ANO3: variants seen among roughly 807,000 people sequenced by gnomAD.
ANO3 encodes the protein anoctamin-3.
Under a neutral mutation model 144.8 loss-of-function variants are expected in ANO3, and 99 were observed. That is an observed-to-expected ratio of 0.68 (90% CI 0.58 to 0.81). The LOEUF is 0.81. ANO3 is among the 30% of genes least tolerant of loss of function. The probability of loss-of-function intolerance (pLI) is 0.00; values close to 1 mark genes in which losing one functional copy is unlikely to be tolerated. For synonymous variants in ANO3, 414 were observed against 392.6 expected (o/e 1.05, Z -0.64); for missense variants, 905 against 1,202.2 (o/e 0.75, Z 3.66).
intron 4 of ANO3, among the ~76,000 whole-genome samples, chr11:26,501,979 C>A (rs1861214741): frequency 6.6e-6 from 1 of 152,094 alleles, no homozygotes; most frequent in African/African-American, 2.4e-5. Flanking sequence ...TGTAACAACT[C>A]ATTAAGCTAT....
intron 1 of ANO3, among the ~76,000 whole-genome samples, chr11:26,401,784 G>A (rs1197339891): frequency 6.6e-6 from 1 of 152,034 alleles, no homozygotes; most frequent in African/African-American, 2.4e-5. Context: ...GGCTGAGTCA[G>A]GAGACTCACT....
intron 4 of ANO3, among the ~76,000 whole-genome samples, chr11:26,465,770 G>A (rs1363464873): frequency 6.6e-6 from 1 of 151,910 alleles, no homozygotes; most frequent in Admixed American, 6.6e-5. Context: ...GACTGTATAT[G>A]TGTTTAAACA....
rs528366563 is a variant in ANO3 at position 26,529,691 on chromosome 11, A to C, written c.738-1514A>C. Among the ~76,000 whole-genome samples the C allele has an allele frequency of 1.1e-4, 17 of 151,154 alleles. No homozygotes were observed. The South Asian group carries it at 3.3e-3, about 30-fold the overall frequency. ...CAAAAATTTCCCCAGATAGAAACCC[A>C]TAGTGTGTAAATATTGCAAATGTGT... On this transcript the variant is annotated intron_variant, in intron 7 of 26. Transcript: ENST00000256737.
chr11:26,376,180 A>G (rs892496593), intron 1 of ANO3, among the ~76,000 whole-genome samples: 3 of 152,132 alleles, frequency 2.0e-5, no homozygotes, highest in African/African-American at 7.2e-5. Context: ...CGTGGGTGAA[A>G]AAGAGTGAAA....
intron 3 of ANO3, among the ~76,000 whole-genome samples, chr11:26,456,818 A>C (rs1859179581): frequency 7.5e-6 from 1 of 132,710 alleles, no homozygotes; most frequent in Admixed American, 7.7e-5. Flanking sequence ...AAGACTTGGA[A>C]CCAACCCAAA....
At chr11:26,344,047 A>G (rs1211580060) in intron 1 of ANO3, among the ~76,000 whole-genome samples, 1 of 152,220 alleles carries the variant, frequency 6.6e-6, no homozygotes. Context: ...AAGTTTCAGA[A>G]TAATAGGATT....
At chr11:26,270,448 C>T (rs1408337259) in intron 1 of ANO3, among the ~76,000 whole-genome samples, 2 of 152,166 alleles carry the variant, frequency 1.3e-5, no homozygotes, top group Non-Finnish European at 2.9e-5. Flanking sequence ...ATCTATGATA[C>T]TTTCACATTT....
chr11:26,443,678 C>T, intron 2 of ANO3, 87 bp from the exon 3 acceptor site: 1 of 596,840 alleles, frequency 1.7e-6, no homozygotes, highest in Non-Finnish European at 2.9e-6. Flanking sequence ...CATGTTTGGC[C>T]ATCATTTGTC....
At chr11:26,543,470 T>TTA (rs1554967573) in intron 11 of ANO3, among the ~76,000 whole-genome samples, 5 of 151,802 alleles carry the variant, frequency 3.3e-5, no homozygotes, top group African/African-American at 7.3e-5. Flanking sequence ...TCTTTTTTTT[T>TTA]AATTATATTT....
chr11:26,618,469 GTC>G (rs2132989166), intron 17 of ANO3, among the ~76,000 whole-genome samples: 1 of 152,186 alleles, frequency 6.6e-6, no homozygotes, highest in East Asian at 1.9e-4. Context: ...TGGTCTTCCT[GTC>G]TCTAATCTAA....
intron 1 of ANO3, among the ~76,000 whole-genome samples, chr11:26,255,186 T>C (rs894890742): frequency 6.6e-6 from 1 of 152,128 alleles, no homozygotes; most frequent in African/African-American, 2.4e-5. Flanking sequence ...ACAATTAGAG[T>C]AAATGTGTTT....
intron 14 of ANO3, among the ~76,000 whole-genome samples, chr11:26,563,981 TGAA>T (rs993484045): frequency 6.6e-6 from 1 of 151,880 alleles, no homozygotes; most frequent in Non-Finnish European, 1.5e-5. Context: ...TCTCTTTTTT[TGAA>T]GGACTCATTA....
intron 1 of ANO3, among the ~76,000 whole-genome samples, chr11:26,220,727 G>A (rs1036768539): frequency 6.6e-6 from 1 of 152,126 alleles, no homozygotes; most frequent in African/African-American, 2.4e-5. Flanking sequence ...GTAACACTCA[G>A]TGTCAGTTAC....
intron 14 of ANO3, among the ~76,000 whole-genome samples, chr11:26,576,303 A>G (rs900580541): frequency 9.2e-5 from 14 of 152,206 alleles, no homozygotes; most frequent in Admixed American, 2.0e-4. Flanking sequence ...GAGTCAAGTT[A>G]AAATAGATAA....
At chr11:26,456,906 T>G (rs556632619) in intron 3 of ANO3, among the ~76,000 whole-genome samples, 1 of 148,844 alleles carries the variant, frequency 6.7e-6, no homozygotes, top group Non-Finnish European at 1.5e-5. Flanking sequence ...TAAAAAATGA[T>G]GAGTTCATGT....
chr11:26,643,207 C>A lies in ANO3; in HGVS notation c.2301C>A (p.Ile767=). Residue 767 remains isoleucine (I), a synonymous_variant, in exon 23 of 27, where the codon ATC becomes ATA. Coordinates refer to ENST00000256737, the MANE Select transcript of ANO3 (RefSeq NM_031418.4). ...EMVLQFGFTT[I]FVAAFPLAPL... is the part of the protein sequence containing the mutation. ...TTTTGCAATTTGGTTTTACCACCAT[C>A]TTTGTTGCGGCTTTTCCTCTAGCCC... 6.2e-7 allele frequency: 1 copy of A among 1,614,108 alleles called. No individual in the cohort carries two copies. The highest frequency in any genetic ancestry group is 8.5e-7 in the Non-Finnish European group (1 of 1,179,970).
intron 1 of ANO3, among the ~76,000 whole-genome samples, chr11:26,438,032 A>G (rs1858355318): frequency 1.4e-5 from 2 of 146,542 alleles, no homozygotes; most frequent in Admixed American, 6.7e-5. Context: ...TCAACACACT[A>G]CTGAACAAAA....
chr11:26,425,299 T>C (rs1160946745), intron 1 of ANO3, among the ~76,000 whole-genome samples: 2 of 152,118 alleles, frequency 1.3e-5, no homozygotes, highest in Non-Finnish European at 2.9e-5. Context: ...CAACCATGTC[T>C]TATTTCAGTA....
intron 12 of ANO3, among the ~76,000 whole-genome samples, chr11:26,552,402 G>T (rs948173754): frequency 1.3e-5 from 2 of 152,012 alleles, no homozygotes; most frequent in African/African-American, 4.8e-5. Flanking sequence ...GCTGAATCCA[G>T]ACACATTTTC....
Sources: allele counts gnomAD v4.1 joint callset (sites outside exome capture counted in the v4.1 genomes callset), GRCh38; gene constraint gnomAD v4.1.1; transcripts MANE v1.5; gene names NCBI Gene and HGNC (gene_info 2026-07-23, HGNC 2026-07-21).